Variants in SPATA6 observed in about 807,000 individuals in gnomAD.
The protein encoded by SPATA6 is spermatogenesis associated 6.
Under a neutral mutation model 65.3 loss-of-function variants are expected in SPATA6, and 56 were observed. The observed-to-expected ratio is 0.86, with a 90% CI of 0.69 to 1.07. The LOEUF is 1.07. Ranked by LOEUF, SPATA6 falls within the 50% of genes least tolerant of loss-of-function variation. The pLI, the probability that SPATA6 is intolerant of heterozygous loss-of-function variation, is 0.00. For synonymous variants in SPATA6, 199 were observed against 213.2 expected (o/e 0.93, Z 0.58); for missense variants, 590 against 594.8 (o/e 0.99, Z 0.08).
chr1:48,403,029 A>T (rs956160717), intron 6 of SPATA6, among the ~76,000 whole-genome samples: 3 of 152,180 alleles, frequency 2.0e-5, no homozygotes, highest in Middle Eastern at 6.8e-3. Context: ...TACAAAAGTT[A>T]GCCGCGTATT....
chr1:48,465,003 A>G (rs1455081755), intron 1 of SPATA6, among the ~76,000 whole-genome samples: 1 of 152,226 alleles, frequency 6.6e-6, no homozygotes, highest in African/African-American at 2.4e-5. Context: ...AAAAAATTAG[A>G]AAATGAAAAA....
At chr1:48,384,118 G>A (rs1386909539) in intron 9 of SPATA6, among the ~76,000 whole-genome samples, 1 of 150,558 alleles carries the variant, frequency 6.6e-6, no homozygotes, top group Non-Finnish European at 1.5e-5. Flanking sequence ...CGGATCACTC[G>A]TGGCTAGGAG....
intron 7 of SPATA6, among the ~76,000 whole-genome samples, chr1:48,395,691 TAA>T (rs780457348): frequency 6.6e-6 from 1 of 151,964 alleles, no homozygotes; most frequent in Non-Finnish European, 1.5e-5. Context: ...GCCATATTTT[TAA>T]AAGTCTAGCC....
At chr1:48,381,191 C>CAACT in intron 9 of SPATA6, among the ~76,000 whole-genome samples, 1 of 152,136 alleles carries the variant, frequency 6.6e-6, no homozygotes. Context: ...AGGCCACAGA[C>CAACT]AACTACTCGT....
rs567194505 is a variant in SPATA6, at chr1:48,314,611, C to T, written c.1195-8733G>A. On this transcript the variant is annotated intron_variant, in intron 11 of 12. Transcript: ENST00000371847. Reference sequence around the variant, plus strand: ...GCAGGAAAGATCTAAAATTGACACTCTAACATCACAATTAAAAGAACTACA... The same window carrying T: ...GCAGGAAAGATCTAAAATTGACACTTTAACATCACAATTAAAAGAACTACA... Among the ~76,000 whole-genome samples, 13 of 152,270 alleles carry T rather than the reference C, an allele frequency of 8.5e-5. No homozygotes were observed. In the South Asian group the frequency reaches 1.2e-3, roughly 15 times the overall value.
At chr1:48,288,280 T>C in the SPATA6 span, among the ~76,000 whole-genome samples, 1 of 152,226 alleles carries the variant, frequency 6.6e-6, no homozygotes, top group Non-Finnish European at 1.5e-5. Flanking sequence ...TCTTTGGAAC[T>C]GGATCATGAT....
chr1:48,353,996 T>C (rs986227976), intron 11 of SPATA6, among the ~76,000 whole-genome samples: 8 of 151,930 alleles, frequency 5.3e-5, no homozygotes, highest in East Asian at 1.9e-4. Flanking sequence ...TAAGGACTCA[T>C]ATGAAGAATC....
At chr1:48,421,704 TGAA>T (rs1449540868) in intron 3 of SPATA6, among the ~76,000 whole-genome samples, 4 of 151,884 alleles carry the variant, frequency 2.6e-5, no homozygotes, top group Non-Finnish European at 5.9e-5. Flanking sequence ...ACAAATTGGG[TGAA>T]GAATCTTACT....
chr1:48,365,925 T>C lies in SPATA6; in HGVS notation c.910-6155A>G, dbSNP rs537191955. On this transcript the variant is annotated intron_variant, in intron 9 of 12. Transcript: ENST00000371847. The stretch of plus-strand genomic sequence containing the variant: ...TGCCCATTCAGTATGATATTGGCTG[T>C]GGGTTTGTCATAGATAGCTCTTATT... Among the ~76,000 whole-genome samples the C allele has an allele frequency of 8.5e-5, 13 of 152,298 alleles. No individual in the cohort carries two copies. In the East Asian group the frequency reaches 2.1e-3, roughly 25 times the overall value.
At chr1:48,465,048 A>G (rs368189650) in intron 1 of SPATA6, among the ~76,000 whole-genome samples, 2 of 152,188 alleles carry the variant, frequency 1.3e-5, no homozygotes, top group South Asian at 2.1e-4. Flanking sequence ...ACAAAGTAAA[A>G]TATAAACTTC....
chr1:48,325,537 T>A (rs1001852489), intron 11 of SPATA6: 27 of 1,187,284 alleles, frequency 2.3e-5, no homozygotes, highest in Middle Eastern at 1.9e-4. Context: ...CGGGAGTTCT[T>A]CCTCTTCCTC....
At chr1:48,453,281 T>G in intron 1 of SPATA6, 150 bp from the exon 2 acceptor site, 2 of 891,852 alleles carry the variant, frequency 2.2e-6, no homozygotes, top group South Asian at 4.0e-5. Flanking sequence ...CAGAGACTAG[T>G]GTTTACAGAG....
intron 11 of SPATA6, among the ~76,000 whole-genome samples, chr1:48,344,698 T>A (rs959296046): frequency 1.3e-5 from 2 of 151,768 alleles, no homozygotes; most frequent in African/African-American, 4.8e-5. Flanking sequence ...ACAAAGCAAA[T>A]GGAAAACAGA....
At position 48,413,596 on chromosome 1, in the gene SPATA6, C is replaced by G. The variant is rs534175947; in HGVS notation, c.239-445G>C. Reference sequence around the variant, plus strand: ...GGATTACAGGTGTGAGCCACCGTGCCCAGCCTAATGTATACTTTTATAAAT... The same window carrying G: ...GGATTACAGGTGTGAGCCACCGTGCGCAGCCTAATGTATACTTTTATAAAT... On this transcript the variant is annotated intron_variant, in intron 3 of 12. Transcript: ENST00000371847. Among the ~76,000 whole-genome samples, 27 of 151,940 alleles carry G rather than the reference C, an allele frequency of 1.8e-4. No individual in the cohort carries two copies. In the South Asian group the frequency reaches 5.6e-3, roughly 32 times the overall value.
chr1:48,433,144 G>A (rs1220687265), intron 3 of SPATA6, among the ~76,000 whole-genome samples: 1 of 152,090 alleles, frequency 6.6e-6, no homozygotes, highest in Non-Finnish European at 1.5e-5. Flanking sequence ...GGGAAAATGG[G>A]TGTTATTGTT....
intron 9 of SPATA6, among the ~76,000 whole-genome samples, chr1:48,365,983 A>G (rs1416140061): frequency 6.6e-6 from 1 of 152,186 alleles, no homozygotes; most frequent in Non-Finnish European, 1.5e-5. Flanking sequence ...TACCTAATCT[A>G]TTGAGACTTT....
chr1:48,369,068 G>T (rs575572076), intron 9 of SPATA6, among the ~76,000 whole-genome samples: 1 of 152,280 alleles, frequency 6.6e-6, no homozygotes, highest in East Asian at 1.9e-4. Context: ...ACTCCACACT[G>T]TTTGCCTGGG....
intron 3 of SPATA6, among the ~76,000 whole-genome samples, chr1:48,419,575 A>C (rs1653125820): frequency 6.6e-6 from 1 of 152,194 alleles, no homozygotes; most frequent in African/African-American, 2.4e-5. Context: ...TAAAGAAGAC[A>C]TGTAAACAGA....
chr1:48,290,817 C>T (rs1052082524), downstream of SPATA6, among the ~76,000 whole-genome samples: 2 of 152,184 alleles, frequency 1.3e-5, no homozygotes, highest in Admixed American at 6.5e-5. Context: ...TATATATGCA[C>T]ACAACACAGG....
Sources: allele counts gnomAD v4.1 joint callset (sites outside exome capture counted in the v4.1 genomes callset), GRCh38; gene constraint gnomAD v4.1.1; transcripts MANE v1.5; gene names NCBI Gene and HGNC (gene_info 2026-07-23, HGNC 2026-07-21).